The following UBE2O variants were observed in gnomAD, a reference collection of about 807,000 sequenced individuals.
The protein encoded by UBE2O is (E3-independent) E2 ubiquitin-conjugating enzyme.
A neutral mutation model predicts 125.8 loss-of-function variants in UBE2O; 15 were observed. The ratio of observed to expected loss-of-function variants is 0.12; its 90% CI spans 0.08 to 0.18. UBE2O has a LOEUF of 0.18. UBE2O is among the 10% of genes least tolerant of loss of function. The pLI, the probability that UBE2O is intolerant of heterozygous loss-of-function variation, is 1.00. For missense variants in UBE2O, 1,280 were observed against 1,723.6 expected (o/e 0.74, Z 4.56); for synonymous variants, 708 against 703.2 (o/e 1.01, Z -0.11).
chr17:76,450,446 C>G (rs1262925634), intron 1 of UBE2O, among the ~76,000 whole-genome samples: 4 of 152,130 alleles, frequency 2.6e-5, no homozygotes, highest in Non-Finnish European at 1.5e-5. Context: ...CATAAATGGG[C>G]ATCCCATTCC....
intron 1 of UBE2O, among the ~76,000 whole-genome samples, chr17:76,445,411 A>T (rs1301286774): frequency 6.6e-6 from 1 of 152,158 alleles, no homozygotes; most frequent in African/African-American, 2.4e-5. Flanking sequence ...AAAAATGCAA[A>T]CCAACTCAAA....
Position 76,391,292 on chromosome 17 carries a change from A to G in UBE2O, c.3530T>C (p.Leu1177Pro), listed in dbSNP as rs780226906. 5 of 1,612,894 alleles carry G rather than the reference A, an allele frequency of 3.1e-6. No individual in the cohort carries two copies. In the East Asian group the frequency reaches 1.1e-4, roughly 36 times the overall value. Reference protein sequence around the residue: ...SSPEPPAVAELSDSGQQEPED... With the variant: ...SSPEPPAVAEPSDSGQQEPED... ...AGGTTCTTGTTGGCCGGAGTCTGAC[A>G]GCTCGGCTACAGCTGGGGGCTCTGG... Residue 1177 changes from leucine to proline, a missense_variant, in exon 18 of 18, where the codon CTG (leucine) becomes CCG (proline). Leu to Pro is a moderately conservative substitution (Grantham distance 98). This residue lies in a region of UBE2O where 233 missense variants were observed against 279.0 expected (regional missense o/e 0.84). Transcript: ENST00000319380. This position sits in a 1 kb window ranked among gnomAD's most constrained non-coding sequence, Gnocchi z 8.4.
chr17:76,415,872 T>C (rs554182229), intron 1 of UBE2O, among the ~76,000 whole-genome samples: 28 of 152,098 alleles, frequency 1.8e-4, no homozygotes, highest in African/African-American at 6.8e-4. Flanking sequence ...CATACATGTA[T>C]ATACAAATAT....
At position 76,453,042 on chromosome 17, in the gene UBE2O, G is replaced by GC; in HGVS notation, c.99_100insG (p.Pro34AlafsTer174). The GC allele has an allele frequency of 7.1e-7, 1 of 1,414,834 alleles. No homozygotes were observed. Among genetic ancestry groups the GC allele is most frequent in the Non-Finnish European group, 9.2e-7 (1 of 1,082,376 alleles). 87.6% of individuals were successfully genotyped at this position (1,414,834 alleles called of 1,614,324 possible). A position where few individuals can be genotyped will look rare whatever the true frequency, so the allele number is the denominator to read the frequency against. ...GAGTCCGAGGCGGGCGCCGGCGCCGGGACGGGGGCTGCGGCTGGGGCCGGG... is the reference window on the plus strand; with the variant it reads ...GAGTCCGAGGCGGGCGCCGGCGCCGGCGACGGGGGCTGCGGCTGGGGCCGGG... On this transcript the variant is annotated frameshift_variant, in exon 1 of 18. Coordinates refer to ENST00000319380, the MANE Select transcript of UBE2O (RefSeq NM_022066.4). LOFTEE classifies it high-confidence loss of function.
In UBE2O at chr17:76,401,041, G is replaced by A. The variant is rs774084349; in HGVS notation, c.864C>T (p.Thr288=). ...CCACCACCACTCGGAACTTGCTCTT[G>A]GTGCTGAGCACGGGCTTGACACCTG... ...WLSGVKPVLS[T]KSKFRVVVEE... is the part of the protein sequence containing the mutation. Residue 288 remains threonine, a synonymous_variant, in exon 6 of 18, where the codon ACC becomes ACT. Coordinates refer to ENST00000319380, the MANE Select transcript of UBE2O (RefSeq NM_022066.4). The A allele has an allele frequency of 3.1e-6, 5 of 1,613,906 alleles. No individual in the cohort carries two copies. The highest frequency in any genetic ancestry group is 1.1e-5 in the South Asian group (1 of 91,084).
intron 1 of UBE2O, among the ~76,000 whole-genome samples, chr17:76,429,765 C>T (rs7223992): frequency 0.53 from 80,529 of 151,692 alleles, 23,386 homozygotes; most frequent in South Asian, 0.67. Context: ...TCATGCCTGG[C>T]CTCAGCACTC....
intron 1 of UBE2O, among the ~76,000 whole-genome samples, chr17:76,434,185 C>G (rs2072947472): frequency 6.6e-6 from 1 of 152,134 alleles, no homozygotes; most frequent in Admixed American, 6.5e-5. Flanking sequence ...CGAAATGACC[C>G]CGAGGATCCC....
chr17:76,430,830 C>T (rs1299444720), intron 1 of UBE2O: 8 of 346,900 alleles, frequency 2.3e-5, no homozygotes, highest in African/African-American at 1.5e-4. Flanking sequence ...GGGCTCACAC[C>T]ACTGATACCT....
At chr17:76,426,126 C>T (rs1018609266) in intron 1 of UBE2O, among the ~76,000 whole-genome samples, 1 of 152,204 alleles carries the variant, frequency 6.6e-6, no homozygotes, top group African/African-American at 2.4e-5. Context: ...CTTCAGCCTC[C>T]TGAGTAGCTG....
chr17:76,426,082 A>G (rs561611604), intron 1 of UBE2O, among the ~76,000 whole-genome samples: 42 of 152,202 alleles, frequency 2.8e-4, no homozygotes, highest in Non-Finnish European at 5.7e-4. Flanking sequence ...GGTTCACTGC[A>G]GCCTCAACCT....
chr17:76,390,351 G>T lies in UBE2O; in HGVS notation c.*592C>A. ...GAGAGCAAGTTCAACAGGCCTGAGG[G>T]CTATAACGTGGTCGACAGGCCATGT... is the stretch of plus-strand genomic sequence containing the variant. On this transcript the variant is annotated 3_prime_UTR_variant, in exon 18 of 18. Coordinates refer to ENST00000319380, the MANE Select transcript of UBE2O (RefSeq NM_022066.4). 1 of 153,036 alleles carries T rather than the reference G, an allele frequency of 6.5e-6. No individual in the cohort carries two copies. Among genetic ancestry groups the T allele is most frequent in the Non-Finnish European group, 1.5e-5 (1 of 68,418 alleles). The allele number at this position is 153,036 out of a possible 1,614,324, so 9.5% of individuals were successfully genotyped here.
At chr17:76,417,083 C>T (rs148560915) in intron 1 of UBE2O, among the ~76,000 whole-genome samples, 155 of 152,364 alleles carry the variant, frequency 1.0e-3, no homozygotes, top group African/African-American at 3.5e-3. Context: ...GATGCCTCAT[C>T]AGGGGGTTGG....
At position 76,391,465 on chromosome 17, in the gene UBE2O, G is replaced by T. The variant is rs1475227304; in HGVS notation, c.3357C>A (p.Pro1119=). Residue 1119 remains proline, a synonymous_variant, in exon 18 of 18, where the codon CCC becomes CCA. Transcript: ENST00000319380. The surrounding 1 kb of genome is among the most constrained non-coding windows in gnomAD (Gnocchi z 8.4). ...VQSMTQLVRR[P]PEVFEQEIRQ... ...TGATCTCCTGCTCAAAGACCTCGGGGGGCCGCCGCACCAGCTGGGTCATGG... is the reference window on the plus strand; with the variant it reads ...TGATCTCCTGCTCAAAGACCTCGGGTGGCCGCCGCACCAGCTGGGTCATGG... 1 of 1,613,890 alleles carries T rather than the reference G, an allele frequency of 6.2e-7. No individual in the cohort carries two copies. The highest frequency in any genetic ancestry group is 1.7e-5 in the Admixed American group (1 of 60,028).
intron 1 of UBE2O, among the ~76,000 whole-genome samples, chr17:76,420,430 A>AT (rs2072690215): frequency 6.6e-6 from 1 of 152,070 alleles, no homozygotes; most frequent in Admixed American, 6.5e-5. Flanking sequence ...AATACCTGTG[A>AT]TTTTAGATCA....
At chr17:76,433,285 C>CAT (rs2072932145) in intron 1 of UBE2O, among the ~76,000 whole-genome samples, 1 of 150,440 alleles carries the variant, frequency 6.6e-6, no homozygotes, top group South Asian at 2.1e-4. Context: ...AGTACTGATA[C>CAT]ATGCTACAAC....
chr17:76,442,036 T>C (rs1395648354), intron 1 of UBE2O, among the ~76,000 whole-genome samples: 1 of 152,186 alleles, frequency 6.6e-6, no homozygotes, highest in Non-Finnish European at 1.5e-5. Context: ...TGATAACCAT[T>C]CAGGAAACCC....
In UBE2O at chr17:76,398,996, G is replaced by C. The variant is rs560442396; in HGVS notation, c.1629-5C>G. On this transcript the variant is annotated splice_region_variant and splice_polypyrimidine_tract_variant and intron_variant, in intron 9 of 17. Transcript: ENST00000319380. This position sits in a 1 kb window ranked among gnomAD's most constrained non-coding sequence, Gnocchi z 5.4. ...GTCACCACCTCCACTGCCACCCTGCGGGTGCAGGCCAGTCAGCAGGCCATG... is the reference window on the plus strand; with the variant it reads ...GTCACCACCTCCACTGCCACCCTGCCGGTGCAGGCCAGTCAGCAGGCCATG... The C allele has an allele frequency of 4.3e-6, 7 of 1,613,368 alleles. No homozygotes were observed. The South Asian group carries it at 6.6e-5, about 15-fold the overall frequency.
intron 1 of UBE2O, among the ~76,000 whole-genome samples, chr17:76,406,201 C>T (rs866704626): frequency 2.6e-5 from 4 of 152,248 alleles, no homozygotes; most frequent in African/African-American, 7.2e-5. Context: ...TGCACGAGCA[C>T]CTGATTGTCT....
intron 1 of UBE2O, among the ~76,000 whole-genome samples, chr17:76,429,558 A>AG (rs1020717741): frequency 1.3e-5 from 2 of 151,548 alleles, no homozygotes; most frequent in Admixed American, 6.6e-5. Context: ...AAAAAAAAAA[A>AG]AAAAAAGTTA....
Sources: allele counts gnomAD v4.1 joint callset (sites outside exome capture counted in the v4.1 genomes callset), GRCh38; gene constraint gnomAD v4.1.1; regional missense constraint gnomAD v4.1.1; non-coding constraint Gnocchi (gnomAD v3.1); transcripts MANE v1.5; gene names NCBI Gene and HGNC (gene_info 2026-07-23, HGNC 2026-07-21).